The following NAA15 variants were observed in gnomAD, a reference collection of about 807,000 sequenced individuals.
NAA15 encodes N-terminal acetyltransferase.
Under a neutral mutation model 114.0 loss-of-function variants are expected in NAA15, and 34 were observed. That is an observed-to-expected ratio of 0.30 (90% CI 0.23 to 0.40). NAA15 has a LOEUF of 0.40. NAA15 is among the 10% of genes least tolerant of loss of function. The probability of loss-of-function intolerance (pLI) is 1.00; values close to 1 mark genes in which losing one functional copy is unlikely to be tolerated. For synonymous variants in NAA15, 340 were observed against 338.0 expected (o/e 1.01, Z -0.06); for missense variants, 658 against 1,004.5 (o/e 0.66, Z 4.66).
At chr4:139,307,955 AATTATTATT>A (rs913452066) in intron 1 of NAA15, among the ~76,000 whole-genome samples, 2 of 151,534 alleles carry the variant, frequency 1.3e-5, no homozygotes, top group Non-Finnish European at 2.9e-5. Flanking sequence ...ATAATAAGTA[AATTATTATT>A]ATTATTATTA....
chr4:139,321,116 G>A lies in NAA15; in HGVS notation c.55-13058G>A, dbSNP rs542296155. On this transcript the variant is annotated intron_variant, in intron 1 of 19. Coordinates refer to ENST00000296543, the MANE Select transcript of NAA15 (RefSeq NM_057175.5). ...TTTCTTCTGTTTTTCTTATTTTTTC[G>A]TATTTTTTCTTTTGCCAAAGCCAAA... Among the ~76,000 whole-genome samples the A allele has an allele frequency of 1.7e-4, 26 of 149,868 alleles. No individual in the cohort carries two copies. In the East Asian group the frequency reaches 3.2e-3, roughly 18 times the overall value.
chr4:139,302,534 G>A (rs1403866735), intron 1 of NAA15: 3 of 152,238 alleles, frequency 2.0e-5, no homozygotes, highest in Non-Finnish European at 2.9e-5. Flanking sequence ...GCCCCACCCC[G>A]TCACTCTTCT....
In NAA15 at chr4:139,369,477, C is replaced by T. The variant is rs187005608; in HGVS notation, c.1754-734C>T. Among the ~76,000 whole-genome samples the T allele has an allele frequency of 7.4e-3, 1,124 of 152,182 alleles. 14 individuals carry two copies. The highest frequency in any genetic ancestry group is 0.025 in the African/African-American group (1,035 of 41,544). Reference sequence around the variant, plus strand: ...AGGTACTGCTGGGTGCGGTGACTCACGCCTGTAATCCCAGCACTTTGGGAG... The same window carrying T: ...AGGTACTGCTGGGTGCGGTGACTCATGCCTGTAATCCCAGCACTTTGGGAG... On this transcript the variant is annotated intron_variant, in intron 14 of 19. Transcript: ENST00000296543.
chr4:139,315,671 T>G (rs1160237112), intron 1 of NAA15, among the ~76,000 whole-genome samples: 2 of 151,940 alleles, frequency 1.3e-5, no homozygotes, highest in African/African-American at 2.4e-5. Flanking sequence ...TACTTGCTCT[T>G]TTGTAGATGT....
chr4:139,372,722 G>A (rs1490237860), intron 15 of NAA15, among the ~76,000 whole-genome samples: 1 of 136,966 alleles, frequency 7.3e-6, no homozygotes, highest in African/African-American at 2.8e-5. Context: ...TATCTCCCCC[G>A]CCCTTCAACC....
intron 1 of NAA15, among the ~76,000 whole-genome samples, chr4:139,307,361 C>T (rs1486948990): frequency 2.0e-5 from 3 of 152,198 alleles, no homozygotes; most frequent in Non-Finnish European, 4.4e-5. Context: ...CTCCACCTCC[C>T]GGGCTCAAGC....
chr4:139,386,254 CT>C (rs1748907684), intron 19 of NAA15, 24 bp downstream of exon 19: 1 of 1,322,480 alleles, frequency 7.6e-7, no homozygotes, highest in Non-Finnish European at 1.1e-6. Context: ...CATAATCTCT[CT>C]GTAAGAATAC....
At chr4:139,329,525 G>T (rs763507587) in intron 1 of NAA15, among the ~76,000 whole-genome samples, 46 of 152,112 alleles carry the variant, frequency 3.0e-4, no homozygotes, top group Non-Finnish European at 5.9e-4. Context: ...TGTTAGGGTG[G>T]GTCTAAAGTA....
chr4:139,354,341 C>T (rs1480535057), intron 10 of NAA15, among the ~76,000 whole-genome samples: 1 of 152,104 alleles, frequency 6.6e-6, no homozygotes, highest in African/African-American at 2.4e-5. Context: ...CTCTGTTCCC[C>T]AGGCTGGAGT....
intron 1 of NAA15, among the ~76,000 whole-genome samples, chr4:139,319,709 A>C (rs931532443): frequency 6.6e-6 from 1 of 152,222 alleles, no homozygotes; most frequent in Non-Finnish European, 1.5e-5. Flanking sequence ...CTGAGATTGC[A>C]GGTGTGAGCC....
At chr4:139,378,671 A>G in intron 16 of NAA15, 85 bp from the exon 17 acceptor site, 1 of 722,118 alleles carries the variant, frequency 1.4e-6, no homozygotes, top group Non-Finnish European at 2.2e-6. Flanking sequence ...CTCTAAATTT[A>G]CTTTTTCTAT....
At chr4:139,335,407 C>T (rs1333342353) in intron 2 of NAA15, among the ~76,000 whole-genome samples, 2 of 152,116 alleles carry the variant, frequency 1.3e-5, no homozygotes, top group Non-Finnish European at 2.9e-5. Flanking sequence ...ATTGTGTTGT[C>T]CAGGCTGGAG....
chr4:139,344,315 A>C lies in NAA15; in HGVS notation c.667A>C (p.Lys223Gln). Reference protein sequence around the residue: ...LCTYEKQICDKLAVEETKGEL... With the variant: ...LCTYEKQICDQLAVEETKGEL... ...TACCTATGAAAAGCAGATTTGTGAT[A>C]AACTTGCTGTAGAAGAAACCAAAGG... The change falls in exon 6 of 20, where the codon AAA becomes CAA. Residue 223 changes from lysine (K) to glutamine (Q), a missense_variant. Coordinates refer to ENST00000296543, the MANE Select transcript of NAA15 (RefSeq NM_057175.5). 1 of 1,610,362 alleles carries C rather than the reference A, an allele frequency of 6.2e-7. No individual in the cohort carries two copies. The highest frequency in any genetic ancestry group is 1.7e-5 in the Admixed American group (1 of 59,440).
chr4:139,348,038 CAAAAAA>C (rs59533947), intron 6 of NAA15, among the ~76,000 whole-genome samples: 4 of 62,768 alleles, frequency 6.4e-5, no homozygotes, highest in African/African-American at 2.1e-4. Flanking sequence ...GACTCCGTCT[CAAAAAA>C]AAAAAAAAAA....
At position 139,344,322 on chromosome 4, in the gene NAA15, C is replaced by A. The variant is rs1443928744; in HGVS notation, c.674C>A (p.Ala225Asp). 6.2e-7 allele frequency: 1 copy of A among 1,607,838 alleles called. No individual in the cohort carries two copies. Residue 225 changes from alanine (A) to aspartate (D), a missense_variant, in exon 6 of 20, where the codon GCT becomes GAT. Physicochemically the swap from Ala to Asp is moderately radical, Grantham distance 126. Coordinates refer to ENST00000296543, the MANE Select transcript of NAA15 (RefSeq NM_057175.5). ...GAAAAGCAGATTTGTGATAAACTTG[C>A]TGTAGAAGAAACCAAAGGTATTTTT... ...TYEKQICDKLAVEETKGELLL... is the reference protein window; with the variant it reads ...TYEKQICDKLDVEETKGELLL...
At chr4:139,329,023 C>G (rs1746904238) in intron 1 of NAA15, among the ~76,000 whole-genome samples, 1 of 151,288 alleles carries the variant, frequency 6.6e-6, no homozygotes, top group Non-Finnish European at 1.5e-5. Context: ...GTGTGCGCCA[C>G]CATGCCTGGC....
chr4:139,356,846 G>T (rs1466412838), intron 10 of NAA15, among the ~76,000 whole-genome samples: 1 of 151,552 alleles, frequency 6.6e-6, no homozygotes, highest in East Asian at 1.9e-4. Flanking sequence ...GTTTTTATTT[G>T]ACTTAAATTA....
intron 17 of NAA15, among the ~76,000 whole-genome samples, chr4:139,380,264 G>C (rs571239163): frequency 1.3e-5 from 2 of 150,482 alleles, no homozygotes; most frequent in Non-Finnish European, 3.0e-5. Flanking sequence ...TTTTTGGGGG[G>C]GGGGAGTATG....
At chr4:139,309,539 T>C (rs185607014) in intron 1 of NAA15, among the ~76,000 whole-genome samples, 3 of 151,898 alleles carry the variant, frequency 2.0e-5, no homozygotes, top group African/African-American at 7.2e-5. Context: ...GCCTGCCAAG[T>C]AGCTGAGATT....
Sources: allele counts gnomAD v4.1 joint callset (sites outside exome capture counted in the v4.1 genomes callset), GRCh38; gene constraint gnomAD v4.1.1; transcripts MANE v1.5; gene names NCBI Gene and HGNC (gene_info 2026-07-23, HGNC 2026-07-21).